Variants in NSMCE2 observed in about 807,000 individuals in gnomAD.
NSMCE2 encodes the protein NSE2 SUMO ligase component of SMC5/6 complex, also known as E3 SUMO-protein ligase NSE2.
Under a neutral mutation model 23.8 loss-of-function variants are expected in NSMCE2, and 24 were observed. The ratio of observed to expected loss-of-function variants is 1.01; its 90% confidence interval spans 0.73 to 1.42. The LOEUF (loss-of-function observed/expected upper bound fraction) is 1.42. Ranked by LOEUF, NSMCE2 falls within the 40% of genes most tolerant of loss-of-function variation. The probability of loss-of-function intolerance (pLI) is 0.00; values close to 1 mark genes in which losing one functional copy is unlikely to be tolerated. For synonymous variants in NSMCE2, 92 were observed against 94.1 expected, an observed-to-expected ratio of 0.98 and a Z score of 0.13; for missense variants, 284 against 296.5, an observed-to-expected ratio of 0.96 and a Z score of 0.31.
chr8:125,116,722 G>C (rs1819021784), intron 3 of NSMCE2, among the ~76,000 whole-genome samples: 1 of 152,038 alleles, frequency 6.6e-6, no homozygotes, highest in Non-Finnish European at 1.5e-5. Context: ...ATGGAGTCTT[G>C]AGCTTGCAAG....
chr8:125,241,448 C>A (rs1009036701), intron 5 of NSMCE2, among the ~76,000 whole-genome samples: 5 of 152,282 alleles, frequency 3.3e-5, no homozygotes, highest in African/African-American at 1.2e-4. Context: ...TTTAAGTCAG[C>A]CTTAGGGCAT....
At chr8:125,354,466 C>T (rs1291153448) in intron 5 of NSMCE2, among the ~76,000 whole-genome samples, 1 of 152,140 alleles carries the variant, frequency 6.6e-6, no homozygotes, top group Non-Finnish European at 1.5e-5. Context: ...TTTGCATAGA[C>T]CTTTAACATT....
At chr8:125,118,747 T>G (rs924790706) in intron 3 of NSMCE2, among the ~76,000 whole-genome samples, 1 of 152,184 alleles carries the variant, frequency 6.6e-6, no homozygotes, top group Non-Finnish European at 1.5e-5. Context: ...AAGGTTAAAT[T>G]TTTAGATCAA....
chr8:125,165,731 G>T (rs1218058748), intron 4 of NSMCE2, among the ~76,000 whole-genome samples: 1 of 152,188 alleles, frequency 6.6e-6, no homozygotes, highest in East Asian at 1.9e-4. Flanking sequence ...TTTGTTTATT[G>T]TTCTAATTTT....
chr8:125,243,650 A>G (rs1398836649), intron 5 of NSMCE2, among the ~76,000 whole-genome samples: 2 of 152,172 alleles, frequency 1.3e-5, no homozygotes, highest in African/African-American at 4.8e-5. Flanking sequence ...AAATTATTAT[A>G]TTTTAAGGAA....
At chr8:125,160,589 G>A (rs565177021) in intron 4 of NSMCE2, among the ~76,000 whole-genome samples, 11 of 152,306 alleles carry the variant, frequency 7.2e-5, no homozygotes, top group African/African-American at 2.6e-4. Context: ...AGCTGCATTT[G>A]AACTTCCCTG....
chr8:125,332,248 A>T (rs1339147870), intron 5 of NSMCE2, among the ~76,000 whole-genome samples: 1 of 152,200 alleles, frequency 6.6e-6, no homozygotes, highest in Non-Finnish European at 1.5e-5. Context: ...TAAAGGGCAT[A>T]TTTTTGTCTC....
intron 5 of NSMCE2, among the ~76,000 whole-genome samples, chr8:125,249,185 A>AT (rs2131005773): frequency 6.6e-6 from 1 of 152,142 alleles, no homozygotes; most frequent in African/African-American, 2.4e-5. Context: ...AAAAAAAAAA[A>AT]TAGGCAGAGC....
chr8:125,095,882 CAAAAAAAAAAA>C (rs1174381155), intron 1 of NSMCE2, among the ~76,000 whole-genome samples: 4 of 65,650 alleles, frequency 6.1e-5, no homozygotes, highest in Non-Finnish European at 1.3e-4. Context: ...AACTCCATCT[CAAAAAAAAAAA>C]AAAAAAAAGA....
At chr8:125,323,304 C>T (rs1474058109) in intron 5 of NSMCE2, among the ~76,000 whole-genome samples, 1 of 152,068 alleles carries the variant, frequency 6.6e-6, no homozygotes, top group Non-Finnish European at 1.5e-5. Flanking sequence ...CGAGATTATT[C>T]TGAAATTCCT....
intron 5 of NSMCE2, among the ~76,000 whole-genome samples, chr8:125,297,300 T>G (rs74819584): frequency 2.4e-3 from 358 of 152,306 alleles, no homozygotes; most frequent in African/African-American, 7.7e-3. Flanking sequence ...CTGTAGAGCT[T>G]ATTTTACCCA....
chr8:125,241,071 C>A (rs1377195612), intron 5 of NSMCE2, among the ~76,000 whole-genome samples: 1 of 152,134 alleles, frequency 6.6e-6, no homozygotes, highest in African/African-American at 2.4e-5. Context: ...TGGCACTATT[C>A]TTACGGGTTG....
At chr8:125,353,742 G>T (rs946846287) in intron 5 of NSMCE2, among the ~76,000 whole-genome samples, 1 of 151,704 alleles carries the variant, frequency 6.6e-6, no homozygotes, top group Non-Finnish European at 1.5e-5. Context: ...AATTAGCTGG[G>T]CCTGGTGGTG....
chr8:125,110,666 A>G (rs943159938), intron 3 of NSMCE2, among the ~76,000 whole-genome samples: 1 of 151,100 alleles, frequency 6.6e-6, no homozygotes. Flanking sequence ...GCCCTTCACC[A>G]TTACACTTCA....
At chr8:125,234,085 C>T (rs916443687) in intron 5 of NSMCE2, among the ~76,000 whole-genome samples, 9 of 150,952 alleles carry the variant, frequency 6.0e-5, no homozygotes, top group African/African-American at 2.0e-4. Context: ...CCCAGCTACT[C>T]GAGAGGCTGA....
intron 5 of NSMCE2, among the ~76,000 whole-genome samples, chr8:125,313,004 G>T (rs1403324767): frequency 2.6e-5 from 4 of 151,878 alleles, no homozygotes; most frequent in Non-Finnish European, 5.9e-5. Flanking sequence ...ACAGTGAGTA[G>T]AGGATGGGTC....
At chr8:125,356,904 G>GTC (rs1384610239) in intron 5 of NSMCE2, among the ~76,000 whole-genome samples, 1 of 152,196 alleles carries the variant, frequency 6.6e-6, no homozygotes, top group Admixed American at 6.5e-5. Context: ...CTAGCCCAGC[G>GTC]TCTCACCACT....
chr8:125,257,036 C>T (rs1416818925), intron 5 of NSMCE2, among the ~76,000 whole-genome samples: 4 of 149,022 alleles, frequency 2.7e-5, no homozygotes, highest in Admixed American at 6.7e-5. Flanking sequence ...GTAATCGCAG[C>T]GCTTTGGGAA....
chr8:125,287,193 G>A (rs1827936785), intron 5 of NSMCE2, among the ~76,000 whole-genome samples: 1 of 152,112 alleles, frequency 6.6e-6, no homozygotes, highest in South Asian at 2.1e-4. Context: ...TTGGCCGGGT[G>A]TGGTGGCGGG....
Sources: allele counts gnomAD v4.1 joint callset (sites outside exome capture counted in the v4.1 genomes callset), GRCh38; gene constraint gnomAD v4.1.1; transcripts MANE v1.5; gene names NCBI Gene and HGNC (gene_info 2026-07-23, HGNC 2026-07-21).